Variants in CNTN4 observed in about 807,000 individuals in gnomAD.
CNTN4 encodes contactin-4.
Under a neutral mutation model 122.5 loss-of-function variants are expected in CNTN4, and 77 were observed. The observed-to-expected ratio is 0.63, with a 90% CI of 0.52 to 0.76. The LOEUF is 0.76. CNTN4 is among the 30% of genes least tolerant of loss of function. CNTN4 has a pLI of 0.00. For synonymous variants in CNTN4, 512 were observed against 447.0 expected (o/e 1.15, Z -1.83); for missense variants, 1,256 against 1,259.1 (o/e 1.00, Z 0.04).
At chr3:2,452,684 A>G (rs1446255898) in intron 3 of CNTN4, among the ~76,000 whole-genome samples, 1 of 152,140 alleles carries the variant, frequency 6.6e-6, no homozygotes, top group Non-Finnish European at 1.5e-5. Flanking sequence ...TTTCGGAATC[A>G]ATCACTTCTG....
intron 2 of CNTN4, among the ~76,000 whole-genome samples, chr3:2,140,096 G>C (rs2034921105): frequency 6.6e-6 from 1 of 152,160 alleles, no homozygotes; most frequent in Non-Finnish European, 1.5e-5. Context: ...CGCCATGTAA[G>C]ATGTGCCTTT....
At chr3:2,145,149 T>C (rs1160349817) in intron 2 of CNTN4, among the ~76,000 whole-genome samples, 3 of 152,244 alleles carry the variant, frequency 2.0e-5, no homozygotes, top group Admixed American at 6.5e-5. Flanking sequence ...TTTGGAAATA[T>C]AGTAGCAGAA....
intron 3 of CNTN4, among the ~76,000 whole-genome samples, chr3:2,376,706 G>A (rs1007258787): frequency 8.7e-5 from 10 of 114,824 alleles, no homozygotes; most frequent in East Asian, 3.2e-4. Flanking sequence ...AAAAAAAAAA[G>A]GTCAGGTTAA....
intron 3 of CNTN4, among the ~76,000 whole-genome samples, chr3:2,511,854 C>T (rs1025201965): frequency 6.6e-6 from 1 of 152,058 alleles, no homozygotes; most frequent in African/African-American, 2.4e-5. Context: ...TGTTAAATCT[C>T]TTATATAATT....
chr3:2,932,901 C>T (rs1003105402), intron 13 of CNTN4, among the ~76,000 whole-genome samples: 13 of 152,074 alleles, frequency 8.5e-5, no homozygotes, highest in African/African-American at 2.4e-4. Flanking sequence ...CGGCTCCCTG[C>T]GAGCTCCGCC....
At chr3:2,217,918 G>T (rs182436637) in intron 2 of CNTN4, among the ~76,000 whole-genome samples, 2 of 152,198 alleles carry the variant, frequency 1.3e-5, no homozygotes, top group East Asian at 1.9e-4. Context: ...TAAATCAAAC[G>T]TAGATCTACC....
intron 3 of CNTN4, among the ~76,000 whole-genome samples, chr3:2,492,455 G>C (rs17786951): frequency 1.3e-5 from 2 of 152,096 alleles, no homozygotes; most frequent in African/African-American, 4.8e-5. Context: ...TCAGGTCTGC[G>C]AGGCCTCATT....
At chr3:2,603,844 A>G (rs2081148839) in intron 4 of CNTN4, among the ~76,000 whole-genome samples, 1 of 152,190 alleles carries the variant, frequency 6.6e-6, no homozygotes, top group African/African-American at 2.4e-5. Context: ...AACATGGTGT[A>G]GTTGTGCTAC....
At chr3:2,144,826 C>A (rs751844473) in intron 2 of CNTN4, among the ~76,000 whole-genome samples, 5 of 152,192 alleles carry the variant, frequency 3.3e-5, no homozygotes, top group African/African-American at 4.8e-5. Context: ...AGAGAAAAAT[C>A]TGCCCAGAAT....
rs1378325531 is a variant in CNTN4, at chr3:2,120,350, G to GTT, written c.-145+19712_-145+19713dup. On this transcript the variant is annotated intron_variant, in intron 2 of 24. Transcript: ENST00000418658. Reference sequence around the variant, plus strand: ...TTAAACTATAACATGAGGCATTTAGGTTATATATATATATATATATATAAA... The same window carrying GTT: ...TTAAACTATAACATGAGGCATTTAGGTTTTATATATATATATATATATATAAA... Among the ~76,000 whole-genome samples the GTT allele has an allele frequency of 5.7e-3, 215 of 37,694 alleles. 5 individuals are homozygous for GTT. The highest frequency in any genetic ancestry group is 0.016 in the African/African-American group (200 of 12,726). The allele number at this position is 37,694 out of a possible 152,430, so 24.7% of individuals were successfully genotyped here.
intron 2 of CNTN4, among the ~76,000 whole-genome samples, chr3:2,151,025 C>G (rs370916441): frequency 6.6e-6 from 1 of 152,022 alleles, no homozygotes; most frequent in East Asian, 1.9e-4. Flanking sequence ...TCTTTGTTCT[C>G]ATGGACCCCA....
At chr3:2,640,956 G>A (rs1055895092) in intron 4 of CNTN4, among the ~76,000 whole-genome samples, 1 of 152,180 alleles carries the variant, frequency 6.6e-6, no homozygotes, top group African/African-American at 2.4e-5. Flanking sequence ...GAGGGGAAGA[G>A]AATAAGGATG....
chr3:2,563,674 G>T (rs945325405), intron 3 of CNTN4, among the ~76,000 whole-genome samples: 14 of 152,184 alleles, frequency 9.2e-5, no homozygotes, highest in African/African-American at 3.4e-4. Context: ...TGGCTCTTCT[G>T]TGTTTAACTA....
rs2093987555 is a variant in CNTN4, at chr3:2,887,082, A to T, written c.798A>T (p.Pro266=). ...TCTGGCGAAGAGCTGATGGAAAGCCAATAGCAAGGAAAGCCAGAAGACACA... is the reference window on the plus strand; with the variant it reads ...TCTGGCGAAGAGCTGATGGAAAGCCTATAGCAAGGAAAGCCAGAAGACACA... The part of the protein sequence containing the change: ...TIIWRRADGK[P]IARKARRHKS... Residue 266 remains proline (P), a synonymous_variant, in exon 10 of 25, where the codon CCA becomes CCT. Transcript: ENST00000418658. 1.2e-6 allele frequency: 2 copies of T among 1,614,118 alleles called. No homozygotes were observed. The highest frequency in any genetic ancestry group is 4.5e-5 in the East Asian group (2 of 44,868).
At chr3:2,209,760 C>T (rs949173192) in intron 2 of CNTN4, among the ~76,000 whole-genome samples, 3 of 152,100 alleles carry the variant, frequency 2.0e-5, no homozygotes, top group Non-Finnish European at 2.9e-5. Flanking sequence ...AGTACAACTT[C>T]TGGGGAAAAT....
intron 13 of CNTN4, among the ~76,000 whole-genome samples, chr3:2,960,052 G>T (rs568478762): frequency 6.6e-6 from 1 of 152,156 alleles, no homozygotes; most frequent in South Asian, 2.1e-4. Flanking sequence ...ATTCCAAAAT[G>T]AAATGAAGAA....
intron 3 of CNTN4, among the ~76,000 whole-genome samples, chr3:2,553,732 A>G (rs1200782041): frequency 6.6e-6 from 1 of 152,172 alleles, no homozygotes; most frequent in Non-Finnish European, 1.5e-5. Context: ...TGAATTATGG[A>G]AAGAGAAGAA....
At chr3:2,942,997 A>T (rs547206846) in intron 13 of CNTN4, among the ~76,000 whole-genome samples, 1 of 152,284 alleles carries the variant, frequency 6.6e-6, no homozygotes, top group South Asian at 2.1e-4. Flanking sequence ...GACGGATTAG[A>T]AGGAAATGCA....
At chr3:2,240,137 G>C (rs1431057791) in intron 2 of CNTN4, among the ~76,000 whole-genome samples, 1 of 152,150 alleles carries the variant, frequency 6.6e-6, no homozygotes, top group Non-Finnish European at 1.5e-5. Flanking sequence ...TTTGAGATTA[G>C]AGAAATCAAT....
Sources: allele counts gnomAD v4.1 joint callset (sites outside exome capture counted in the v4.1 genomes callset), GRCh38; gene constraint gnomAD v4.1.1; transcripts MANE v1.5; gene names NCBI Gene and HGNC (gene_info 2026-07-23, HGNC 2026-07-21).